Variants in HNMT observed in about 807,000 individuals in gnomAD.
HNMT encodes the protein histamine N-methyltransferase.
Under a neutral mutation model 32.1 loss-of-function variants are expected in HNMT, and 30 were observed. The ratio of observed to expected loss-of-function variants is 0.93; its 90% CI spans 0.70 to 1.27. The LOEUF is 1.27. HNMT is among the 50% of genes most tolerant of loss of function. The pLI, the probability that HNMT is intolerant of heterozygous loss-of-function variation, is 0.00. For missense variants in HNMT, 327 were observed against 346.0 expected, an observed-to-expected ratio of 0.95 and a Z score of 0.43; for synonymous variants, 125 against 119.0, an observed-to-expected ratio of 1.05 and a Z score of -0.33.
chr2:138,007,038 G>A (rs543500063), intron 5 of HNMT, among the ~76,000 whole-genome samples: 6 of 152,142 alleles, frequency 3.9e-5, no homozygotes, highest in African/African-American at 1.2e-4. Flanking sequence ...TAGCACAGGA[G>A]ACAGCTGTTC....
At chr2:138,000,404 A>G (rs1486468166) in intron 2 of HNMT, among the ~76,000 whole-genome samples, 1 of 152,120 alleles carries the variant, frequency 6.6e-6, no homozygotes, top group Non-Finnish European at 1.5e-5. Context: ...GAGGGCAGAT[A>G]TCTGACATGT....
At chr2:138,004,006 T>C (rs1201830920) in intron 4 of HNMT, among the ~76,000 whole-genome samples, 3 of 152,108 alleles carry the variant, frequency 2.0e-5, no homozygotes, top group Non-Finnish European at 4.4e-5. Context: ...CATCTCTGTC[T>C]ATGCCCCATT....
At chr2:137,994,195 T>C (rs1211206952) in intron 2 of HNMT, among the ~76,000 whole-genome samples, 2 of 152,148 alleles carry the variant, frequency 1.3e-5, no homozygotes, top group Non-Finnish European at 2.9e-5. Context: ...GTAAATGAGC[T>C]AAATGTCCCA....
At position 138,014,133 on chromosome 2, in the gene HNMT, A is replaced by G. The variant is rs779897697; in HGVS notation, c.*3A>G. The G allele has an allele frequency of 6.0e-5, 88 of 1,461,000 alleles. No homozygotes were observed. Among genetic ancestry groups the G allele is most frequent in the Non-Finnish European group, 8.1e-5 (86 of 1,067,026 alleles). 90.5% of individuals were successfully genotyped at this position (1,461,000 alleles called of 1,614,324 possible). A position where few individuals can be genotyped will look rare whatever the true frequency, so the allele number is the denominator to read the frequency against. ...GTTTCATAGTGATTGAGGCATAACT[A>G]TCAATCACAAAAGTATATTCAAAAA... On this transcript the variant is annotated 3_prime_UTR_variant, in exon 6 of 6. Transcript: ENST00000280097.
At position 137,999,430 on chromosome 2, in the gene HNMT, C is replaced by T. The variant is rs375457376; in HGVS notation, c.191-1488C>T. Among the ~76,000 whole-genome samples, 92 of 152,224 alleles carry T rather than the reference C, an allele frequency of 6.0e-4. 2 individuals are homozygous for T. In the South Asian group the frequency reaches 0.016, roughly 27 times the overall value. ...TCCTTCCCTCCACACACACCATGTACGCCATCTCCTATTGTCAGTACTTGG... is the reference window on the plus strand; with the variant it reads ...TCCTTCCCTCCACACACACCATGTATGCCATCTCCTATTGTCAGTACTTGG... On this transcript the variant is annotated intron_variant, in intron 2 of 5. Coordinates refer to ENST00000280097, the MANE Select transcript of HNMT (RefSeq NM_006895.3).
chr2:137,986,303 G>C (rs1165192365), intron 2 of HNMT, among the ~76,000 whole-genome samples: 7 of 151,640 alleles, frequency 4.6e-5, no homozygotes, highest in Non-Finnish European at 8.8e-5. Context: ...TAAGGAATTA[G>C]CTTATATGAT....
Position 138,013,988 on chromosome 2 carries a change from A to T in HNMT, c.737A>T (p.Glu246Val). The T allele has an allele frequency of 6.2e-7, 1 of 1,613,698 alleles. No homozygotes were observed. Among genetic ancestry groups the T allele is most frequent in the Non-Finnish European group, 8.5e-7 (1 of 1,179,774 alleles). ...GACCTGCTTTGGGATTTTTTGACTG[A>T]AACCTGCAACTTTAATGCCACAGCA... Reference protein sequence around the residue: ...NGDLLWDFLTETCNFNATAPP... With the variant: ...NGDLLWDFLTVTCNFNATAPP... The change falls in exon 6 of 6, where the codon GAA (glutamate) becomes GTA (valine). Residue 246 changes from glutamate to valine, a missense_variant. Coordinates refer to ENST00000280097, the MANE Select transcript of HNMT (RefSeq NM_006895.3).
intron 2 of HNMT, among the ~76,000 whole-genome samples, chr2:137,997,273 A>G (rs1349025064): frequency 6.6e-6 from 1 of 152,142 alleles, no homozygotes; most frequent in African/African-American, 2.4e-5. Context: ...TGCTCTACCC[A>G]TCTGACAAAG....
intron 2 of HNMT, among the ~76,000 whole-genome samples, chr2:137,984,202 C>T (rs1442172530): frequency 1.3e-5 from 2 of 152,172 alleles, no homozygotes; most frequent in African/African-American, 4.8e-5. Context: ...GTGAGAATTT[C>T]TTTGGATTAT....
intron 2 of HNMT, among the ~76,000 whole-genome samples, chr2:137,992,094 A>G (rs1001260945): frequency 3.9e-5 from 6 of 152,214 alleles, no homozygotes; most frequent in Admixed American, 2.0e-4. Flanking sequence ...ACAGATTGGA[A>G]GATCCCACTC....
chr2:138,004,198 T>A (rs1005927404), intron 4 of HNMT, among the ~76,000 whole-genome samples: 15 of 152,126 alleles, frequency 9.9e-5, no homozygotes, highest in African/African-American at 2.9e-4. Context: ...GCCATCATAT[T>A]GATTCACTAT....
chr2:138,002,428 T>G, intron 4 of HNMT: 2 of 894,244 alleles, frequency 2.2e-6, no homozygotes, highest in Non-Finnish European at 2.8e-6. Flanking sequence ...AAGTTATCCA[T>G]TTTTAAAAAT....
chr2:138,008,860 G>A (rs1681410627), intron 5 of HNMT, among the ~76,000 whole-genome samples: 1 of 151,968 alleles, frequency 6.6e-6, no homozygotes, highest in Non-Finnish European at 1.5e-5. Flanking sequence ...AACAGGCAAA[G>A]ATTCTGTGAC....
At chr2:137,976,280 C>CAAAAAAAAAAAAAAAAAAAA (rs370528168) in intron 2 of HNMT, among the ~76,000 whole-genome samples, 2 of 139,482 alleles carry the variant, frequency 1.4e-5, no homozygotes, top group African/African-American at 2.7e-5. Context: ...AAACAAAAAA[C>CAAAAAAAAAAAAAAAAAAAA]AAAAAAAAAA....
chr2:137,987,293 A>G (rs1680677624), intron 2 of HNMT, among the ~76,000 whole-genome samples: 1 of 152,164 alleles, frequency 6.6e-6, no homozygotes, highest in Non-Finnish European at 1.5e-5. Flanking sequence ...TAAACTGAGC[A>G]TGTATTGCCC....
intron 2 of HNMT, among the ~76,000 whole-genome samples, chr2:137,970,937 GA>G (rs1680112923): frequency 5.6e-4 from 2 of 3,556 alleles, no homozygotes; most frequent in Non-Finnish European, 1.6e-3. Flanking sequence ...AAAAAAAAAA[GA>G]AAGAAAGAAA....
At chr2:137,981,496 G>A in intron 2 of HNMT, 1 of 861,276 alleles carries the variant, frequency 1.2e-6, no homozygotes, top group Non-Finnish European at 1.9e-6. Flanking sequence ...TGTTGCTTTG[G>A]TTTTCTCCGT....
chr2:138,015,972 T>C lies in HNMT; in HGVS notation c.*1842T>C, dbSNP rs1212996910. The stretch of plus-strand genomic sequence containing the variant: ...TTAATTTTAGTGCAATTGAAACACA[T>C]AAGCCTTTTTAAAGAGAGAAATTCC... On this transcript the variant is annotated 3_prime_UTR_variant, in exon 6 of 6. Coordinates refer to ENST00000280097, the MANE Select transcript of HNMT (RefSeq NM_006895.3). 3 of 152,086 alleles carry C rather than the reference T, an allele frequency of 2.0e-5. No homozygotes were observed. Among genetic ancestry groups the C allele is most frequent in the African/African-American group, 7.2e-5 (3 of 41,428 alleles). 9.4% of individuals were successfully genotyped at this position (152,086 alleles called of 1,614,324 possible).
chr2:138,005,070 G>T, intron 4 of HNMT, 62 bp from the exon 5 acceptor site: 1 of 896,346 alleles, frequency 1.1e-6, no homozygotes, highest in South Asian at 1.4e-5. Flanking sequence ...GGAGTATCTA[G>T]CCCAAGCAAT....
Sources: gnomAD v4.1 joint callset for allele counts (sites outside exome capture counted in the v4.1 genomes callset) on GRCh38, gnomAD v4.1.1 for gene constraint, MANE v1.5 for transcripts, NCBI Gene and HGNC (gene_info 2026-07-23, HGNC 2026-07-21) for gene names.